Variants in TSPAN14 observed in about 807,000 individuals in gnomAD.
The protein encoded by TSPAN14 is tetraspanin 14.
A neutral mutation model predicts 36.6 loss-of-function variants in TSPAN14; 16 were observed. That is an observed-to-expected ratio of 0.44 (90% confidence interval 0.30 to 0.66). The LOEUF is 0.66. TSPAN14 is among the 30% of genes least tolerant of loss of function. The pLI, the probability that TSPAN14 is intolerant of heterozygous loss-of-function variation, is 0.12. For synonymous variants in TSPAN14, 139 were observed against 143.8 expected (o/e 0.97, Z 0.24); for missense variants, 231 against 355.1 (o/e 0.65, Z 2.81).
intron 1 of TSPAN14, among the ~76,000 whole-genome samples, chr10:80,478,133 A>G (rs2131987736): frequency 6.6e-6 from 1 of 152,364 alleles, no homozygotes; most frequent in South Asian, 2.1e-4. Context: ...AAGGAAGTCT[A>G]TTTAGAGAAA....
chr10:80,509,256 G>A lies in TSPAN14; in HGVS notation c.280-45G>A. ...GTGGGGTTATGTGTGTGGGGGTGCA[G>A]GCTGGTGGGGTGGTGACTTCTGCTC... is the stretch of plus-strand genomic sequence containing the variant. On this transcript the variant is annotated intron_variant, in intron 4 of 8. Transcript: ENST00000429989. This position sits in a 1 kb window ranked among gnomAD's most constrained non-coding sequence, Gnocchi z 4.7. 1 of 1,593,392 alleles carries A rather than the reference G, an allele frequency of 6.3e-7. No homozygotes were observed. Among genetic ancestry groups the A allele is most frequent in the Non-Finnish European group, 8.6e-7 (1 of 1,168,750 alleles).
At chr10:80,455,444 C>T (rs1845692928) in intron 1 of TSPAN14, among the ~76,000 whole-genome samples, 1 of 152,072 alleles carries the variant, frequency 6.6e-6, no homozygotes, top group Non-Finnish European at 1.5e-5. Context: ...GGTCTGCTCT[C>T]CAGGGGATCT....
At chr10:80,486,834 AT>A (rs899756469) in intron 1 of TSPAN14, among the ~76,000 whole-genome samples, 2 of 152,048 alleles carry the variant, frequency 1.3e-5, no homozygotes, top group South Asian at 2.1e-4. Flanking sequence ...TAGGTTAAAA[AT>A]TTTTTTTCAT....
At chr10:80,483,086 A>T (rs765247337) in intron 1 of TSPAN14, among the ~76,000 whole-genome samples, 26 of 152,142 alleles carry the variant, frequency 1.7e-4, no homozygotes, top group Non-Finnish European at 2.4e-4. Context: ...TACAGTTGAG[A>T]ATGTGCTACT....
chr10:80,489,957 G>A (rs1253615472), intron 2 of TSPAN14, among the ~76,000 whole-genome samples: 1 of 152,206 alleles, frequency 6.6e-6, no homozygotes, highest in African/African-American at 2.4e-5. Flanking sequence ...AGCTTTGTGT[G>A]TGCAAAGGAC....
At chr10:80,468,138 TA>T (rs1377797996) in intron 1 of TSPAN14, among the ~76,000 whole-genome samples, 2 of 152,140 alleles carry the variant, frequency 1.3e-5, no homozygotes, top group Non-Finnish European at 2.9e-5. Context: ...TTCTGCCCTT[TA>T]TGTGCCTTTC....
chr10:80,492,242 A>G lies in TSPAN14; in HGVS notation c.81+2928A>G, dbSNP rs577771988. On this transcript the variant is annotated intron_variant, in intron 2 of 8. Coordinates refer to ENST00000429989, the Ensembl canonical transcript of TSPAN14. ...AAAGTAGGATAATAAAATGAACTCC[A>G]TGTTCCCACCATCTAGCTTATTTGA... is the stretch of plus-strand genomic sequence containing the variant. Among the ~76,000 whole-genome samples the G allele has an allele frequency of 4.6e-5, 7 of 152,280 alleles. No individual in the cohort carries two copies. The South Asian group carries it at 1.0e-3, about 23-fold the overall frequency.
At chr10:80,482,732 C>CTTTT (rs34769982) in intron 1 of TSPAN14, among the ~76,000 whole-genome samples, 2 of 110,502 alleles carry the variant, frequency 1.8e-5, no homozygotes, top group African/African-American at 3.9e-5. Context: ...TTTTCTTTTC[C>CTTTT]TTTTTTTTTT....
intron 1 of TSPAN14, among the ~76,000 whole-genome samples, chr10:80,454,584 C>G (rs1467989787): frequency 6.6e-6 from 1 of 151,888 alleles, no homozygotes; most frequent in Non-Finnish European, 1.5e-5. Context: ...AGGCCTCCGC[C>G]GGGACCCCGC....
chr10:80,518,087 C>G lies in TSPAN14; in HGVS notation c.*111C>G, dbSNP rs1841044165. On this transcript the variant is annotated 3_prime_UTR_variant, in exon 9 of 9. Coordinates refer to ENST00000429989, the Ensembl canonical transcript of TSPAN14. Reference sequence around the variant, plus strand: ...AGCCGACACCCCCAGAGCCAGTGCCCCATCTTAAGCATCAGCGTGACGTGA... The same window carrying G: ...AGCCGACACCCCCAGAGCCAGTGCCGCATCTTAAGCATCAGCGTGACGTGA... 1.4e-5 allele frequency: 15 copies of G among 1,107,092 alleles called. No individual in the cohort carries two copies. In the East Asian group the frequency reaches 3.9e-4, roughly 29 times the overall value. 68.6% of individuals were successfully genotyped at this position (1,107,092 alleles called of 1,614,324 possible). A position where few individuals can be genotyped will look rare whatever the true frequency, so the allele number is the denominator to read the frequency against.
At chr10:80,462,578 T>G (rs889198195) in intron 1 of TSPAN14, among the ~76,000 whole-genome samples, 3 of 152,228 alleles carry the variant, frequency 2.0e-5, no homozygotes, top group Non-Finnish European at 4.4e-5. Context: ...ATATCAGTGC[T>G]TCTGAGTGCA....
At chr10:80,487,749 GA>G (rs1295154709) in intron 1 of TSPAN14, among the ~76,000 whole-genome samples, 1 of 151,470 alleles carries the variant, frequency 6.6e-6, no homozygotes, top group East Asian at 1.9e-4. Flanking sequence ...TGGTAGGGGG[GA>G]GGTGGGGATA....
In TSPAN14 at chr10:80,485,989, A is replaced by T. The variant is rs75302581; in HGVS notation, c.-17-3228A>T. 1.9e-3 allele frequency among the ~76,000 whole-genome samples: 290 copies of T among 152,200 alleles called. 8 individuals are homozygous for T. In the East Asian group the frequency reaches 0.05, roughly 26 times the overall value. On this transcript the variant is annotated intron_variant, in intron 1 of 8. Coordinates refer to ENST00000429989, the Ensembl canonical transcript of TSPAN14. Reference sequence around the variant, plus strand: ...AGGATACGTTGTCTGGGTGTGGCACACCTCTTCTTGGATGAGAGAGGGTTT... The same window carrying T: ...AGGATACGTTGTCTGGGTGTGGCACTCCTCTTCTTGGATGAGAGAGGGTTT...
intron 5 of TSPAN14, 114 bp from the exon 6 acceptor site, chr10:80,512,030 C>T (rs765933131): frequency 1.3e-6 from 2 of 1,523,648 alleles, no homozygotes; most frequent in Non-Finnish European, 1.8e-6. Flanking sequence ...CTTGATTTCT[C>T]TGCATGGTAG....
intron 1 of TSPAN14, among the ~76,000 whole-genome samples, chr10:80,482,333 C>G (rs775055396): frequency 3.3e-5 from 5 of 152,152 alleles, no homozygotes; most frequent in Non-Finnish European, 4.4e-5. Flanking sequence ...GTGGCTCAGG[C>G]TGGAGTGCAC....
At chr10:80,508,211 G>A (rs113823422) in intron 4 of TSPAN14, among the ~76,000 whole-genome samples, 13 of 151,584 alleles carry the variant, frequency 8.6e-5, no homozygotes, top group African/African-American at 3.2e-4. Flanking sequence ...CGCCTCCCGG[G>A]TTCACACCAT....
At chr10:80,458,107 G>A (rs140538813) in intron 1 of TSPAN14, among the ~76,000 whole-genome samples, 44 of 152,306 alleles carry the variant, frequency 2.9e-4, no homozygotes, top group African/African-American at 1.1e-3. Context: ...CCTGGATGTG[G>A]CCTGTAGGGG....
chr10:80,494,188 G>A (rs551316201), intron 2 of TSPAN14, among the ~76,000 whole-genome samples: 9 of 152,322 alleles, frequency 5.9e-5, no homozygotes, highest in Non-Finnish European at 8.8e-5. Context: ...ACTTGGGTCT[G>A]TTTGAGCCTA....
intron 7 of TSPAN14, 88 bp downstream of exon 7, chr10:80,514,151 G>A: frequency 7.7e-7 from 1 of 1,298,480 alleles, no homozygotes; most frequent in Non-Finnish European, 1.1e-6. Context: ...AGTGCAAATT[G>A]AAGTGGGAAA....
Sources: gnomAD v4.1 joint callset for allele counts (sites outside exome capture counted in the v4.1 genomes callset) on GRCh38, gnomAD v4.1.1 for gene constraint, Gnocchi (gnomAD v3.1) non-coding constraint, MANE v1.5 for transcripts, NCBI Gene and HGNC (gene_info 2026-07-23, HGNC 2026-07-21) for gene names.